FSHR: variants seen among roughly 807,000 people sequenced by gnomAD.
The protein encoded by FSHR is follicle stimulating hormone receptor.
Under a neutral mutation model 52.1 loss-of-function variants are expected in FSHR, and 46 were observed. The ratio of observed to expected loss-of-function variants is 0.88; its 90% confidence interval spans 0.70 to 1.13. The LOEUF is 1.13. FSHR is among the 50% of genes most tolerant of loss of function. FSHR has a pLI of 0.00. For synonymous variants in FSHR, 399 were observed against 309.6 expected (o/e 1.29, Z -3.03); for missense variants, 964 against 834.6 (o/e 1.16, Z -1.91).
chr2:49,099,052 T>C (rs938572775), intron 1 of FSHR, among the ~76,000 whole-genome samples: 2 of 151,754 alleles, frequency 1.3e-5, no homozygotes, highest in Non-Finnish European at 1.5e-5. Context: ...TCCAGTATCA[T>C]ATGTAAGGTA....
rs557866925 is a variant in FSHR, at chr2:49,113,770, C to T, written c.152+40496G>A. The stretch of plus-strand genomic sequence containing the variant: ...AATTTAAACTGTGCCAAAAAGGACA[C>T]TTGTGGGGAGGTCTTGGCACCCAGG... On this transcript the variant is annotated intron_variant, in intron 1 of 9. Transcript: ENST00000406846. Among the ~76,000 whole-genome samples the T allele has an allele frequency of 9.2e-5, 14 of 152,226 alleles. No homozygotes were observed. The South Asian group carries it at 1.9e-3, about 20-fold the overall frequency.
chr2:48,981,090 G>C (rs532758446), intron 8 of FSHR, among the ~76,000 whole-genome samples: 1 of 152,232 alleles, frequency 6.6e-6, no homozygotes, highest in South Asian at 2.1e-4. Flanking sequence ...TTTGTCTCCC[G>C]AGTACTCTAA....
intron 2 of FSHR, among the ~76,000 whole-genome samples, chr2:49,056,663 A>T (rs148247445): frequency 6.6e-6 from 1 of 152,072 alleles, no homozygotes; most frequent in Non-Finnish European, 1.5e-5. Flanking sequence ...CAGACCAAAC[A>T]GACACTTACA....
intron 9 of FSHR, 52 bp from the exon 10 acceptor site, chr2:48,964,018 A>G (rs545173781): frequency 8.4e-6 from 13 of 1,550,446 alleles, no homozygotes; most frequent in Non-Finnish European, 1.1e-5. Flanking sequence ...CAGTATAGCA[A>G]ATACATCACT....
chr2:48,990,560 A>C lies in FSHR; in HGVS notation c.446+6T>G. 6.3e-7 allele frequency: 1 copy of C among 1,593,918 alleles called. No homozygotes were observed. The highest frequency in any genetic ancestry group is 8.6e-7 in the Non-Finnish European group (1 of 1,161,682). On this transcript the variant is annotated splice_donor_region_variant and intron_variant, in intron 5 of 9. Transcript: ENST00000406846. Reference sequence around the variant, plus strand: ...GAGTTGGTAGTCACTCAAGGAAAAAACTTACAGTAAAACTTTTTGGAGAGA... The same window carrying C: ...GAGTTGGTAGTCACTCAAGGAAAAACCTTACAGTAAAACTTTTTGGAGAGA...
rs1383366880 is a variant in FSHR at position 48,988,798 on chromosome 2, A to C, written c.524+179T>G. ...CACCCCAGAATCATAAATTATTAACATGACTCCACATTGTGATTCTGAAAT... is the reference window on the plus strand; with the variant it reads ...CACCCCAGAATCATAAATTATTAACCTGACTCCACATTGTGATTCTGAAAT... On this transcript the variant is annotated intron_variant, in intron 6 of 9. Transcript: ENST00000406846. Among the ~76,000 whole-genome samples, 4 of 152,236 alleles carry C rather than the reference A, an allele frequency of 2.6e-5. No individual in the cohort carries two copies. The East Asian group carries it at 7.7e-4, about 29-fold the overall frequency.
chr2:48,965,422 G>A (rs905557270), intron 9 of FSHR, among the ~76,000 whole-genome samples: 6 of 152,140 alleles, frequency 3.9e-5, no homozygotes, highest in African/African-American at 1.4e-4. Flanking sequence ...AATTGAAAGT[G>A]AATGGAAACG....
intron 1 of FSHR, among the ~76,000 whole-genome samples, chr2:49,146,046 C>T (rs1672857190): frequency 6.6e-6 from 1 of 151,978 alleles, no homozygotes; most frequent in African/African-American, 2.4e-5. Context: ...TACAGAGGAT[C>T]TTAATGCCAA....
rs1023729818 is a variant in FSHR, at chr2:49,154,288, G to A, written c.130C>T (p.Leu44Phe). Reference sequence around the variant, plus strand: ...CACAGTTCAATGGCATTCCTCGGGAGGTCAGAAGGAATCTCTGTCACCTTG... The same window carrying A: ...CACAGTTCAATGGCATTCCTCGGGAAGTCAGAAGGAATCTCTGTCACCTTG... ...ESKVTEIPSD[L>F]PRNAIELRFV... is the part of the protein sequence containing the mutation. The change falls in exon 1 of 10, where the codon CTC (leucine) becomes TTC (phenylalanine). Residue 44 changes from leucine (L) to phenylalanine (F), a missense_variant. Leu to Phe is a conservative substitution (Grantham distance 22). Coordinates refer to ENST00000406846, the MANE Select transcript of FSHR (RefSeq NM_000145.4). 1.9e-6 allele frequency: 3 copies of A among 1,613,762 alleles called. No homozygotes were observed. The highest frequency in any genetic ancestry group is 2.7e-5 in the African/African-American group (2 of 74,880).
chr2:49,017,899 C>T (rs58122344), intron 3 of FSHR, among the ~76,000 whole-genome samples: 81 of 152,140 alleles, frequency 5.3e-4, no homozygotes, highest in African/African-American at 1.9e-3. Flanking sequence ...AAGAATCGCC[C>T]AGGGTTGGAG....
At position 49,154,288 on chromosome 2, in the gene FSHR, G is replaced by T; in HGVS notation, c.130C>A (p.Leu44Ile). 2 of 1,613,880 alleles carry T rather than the reference G, an allele frequency of 1.2e-6. No individual in the cohort carries two copies. Among genetic ancestry groups the T allele is most frequent in the Non-Finnish European group, 8.5e-7 (1 of 1,179,902 alleles). Residue 44 changes from leucine to isoleucine, a missense_variant, in exon 1 of 10, where the codon CTC (leucine) becomes ATC (isoleucine). Transcript: ENST00000406846. The stretch of plus-strand genomic sequence containing the variant: ...CACAGTTCAATGGCATTCCTCGGGA[G>T]GTCAGAAGGAATCTCTGTCACCTTG... ...ESKVTEIPSDLPRNAIELRFV... is the reference protein window; with the variant it reads ...ESKVTEIPSDIPRNAIELRFV...
At chr2:49,079,816 TA>T (rs1276219886) in intron 1 of FSHR, among the ~76,000 whole-genome samples, 1 of 151,996 alleles carries the variant, frequency 6.6e-6, no homozygotes, top group Non-Finnish European at 1.5e-5. Flanking sequence ...AAGACTTTTT[TA>T]AAAAAACACA....
At position 49,125,715 on chromosome 2, in the gene FSHR, G is replaced by A. The variant is rs142102183; in HGVS notation, c.152+28551C>T. Among the ~76,000 whole-genome samples the A allele has an allele frequency of 1.2e-4, 19 of 152,242 alleles. No homozygotes were observed. In the East Asian group the frequency reaches 1.4e-3, roughly 11 times the overall value. ...GGAATCTAAAATCCATCACTGCCTC[G>A]AATTTGCAGGACTGTTGTTGTTTGT... On this transcript the variant is annotated intron_variant, in intron 1 of 9. Coordinates refer to ENST00000406846, the MANE Select transcript of FSHR (RefSeq NM_000145.4).
chr2:48,996,924 A>G (rs1166933715), intron 4 of FSHR, among the ~76,000 whole-genome samples: 1 of 152,168 alleles, frequency 6.6e-6, no homozygotes, highest in African/African-American at 2.4e-5. Context: ...GCTTGCTAAT[A>G]TTGATATTTC....
At chr2:49,092,280 C>T (rs1022289285) in intron 1 of FSHR, among the ~76,000 whole-genome samples, 18 of 152,108 alleles carry the variant, frequency 1.2e-4, no homozygotes, top group African/African-American at 3.6e-4. Flanking sequence ...AGACCCATTG[C>T]GTGGTTTTTC....
At chr2:48,970,153 C>T (rs919117770) in intron 8 of FSHR, among the ~76,000 whole-genome samples, 1 of 152,152 alleles carries the variant, frequency 6.6e-6, no homozygotes. Context: ...GTGAAAATTA[C>T]ATTTTCAAAG....
At chr2:49,028,187 A>T (rs146085443) in intron 2 of FSHR, among the ~76,000 whole-genome samples, 1 of 152,336 alleles carries the variant, frequency 6.6e-6, no homozygotes, top group Non-Finnish European at 1.5e-5. Flanking sequence ...GACACTTGTA[A>T]GTTTGAGTTG....
chr2:49,091,810 T>C (rs190048714), intron 1 of FSHR, among the ~76,000 whole-genome samples: 1 of 152,348 alleles, frequency 6.6e-6, no homozygotes, highest in Non-Finnish European at 1.5e-5. Flanking sequence ...TTGGTTAACA[T>C]GAGTTCTCTG....
At chr2:49,051,351 C>A (rs113597366) in intron 2 of FSHR, among the ~76,000 whole-genome samples, 18 of 152,130 alleles carry the variant, frequency 1.2e-4, no homozygotes, top group Admixed American at 1.1e-3. Flanking sequence ...CAGTAACCTA[C>A]TATTATCAGC....
Sources: allele counts gnomAD v4.1 joint callset (sites outside exome capture counted in the v4.1 genomes callset), GRCh38; gene constraint gnomAD v4.1.1; transcripts MANE v1.5; gene names NCBI Gene and HGNC (gene_info 2026-07-23, HGNC 2026-07-21).